The following KIF16B variants were observed in gnomAD, a reference collection of about 807,000 sequenced individuals.
KIF16B encodes the protein kinesin family member 16B, also known as kinesin-like protein KIF16B.
In KIF16B, 98 loss-of-function variants were observed where a neutral mutation model predicts 156.3. The ratio of observed to expected loss-of-function variants is 0.63; its 90% CI spans 0.53 to 0.74. The LOEUF is 0.74. Ranked by LOEUF, KIF16B falls within the 30% of genes least tolerant of loss-of-function variation. The pLI is 0.00. For synonymous variants in KIF16B, 564 were observed against 583.7 expected (o/e 0.97, Z 0.49); for missense variants, 1,421 against 1,606.5 (o/e 0.88, Z 1.97).
intron 18 of KIF16B, among the ~76,000 whole-genome samples, chr20:16,381,375 A>G (rs2065089373): frequency 6.8e-6 from 1 of 148,104 alleles, no homozygotes. Context: ...TTAAGAGAAG[A>G]TCTACTTTTG....
chr20:16,493,165 C>T (rs957413206), intron 12 of KIF16B, among the ~76,000 whole-genome samples: 2 of 152,200 alleles, frequency 1.3e-5, no homozygotes, highest in African/African-American at 4.8e-5. Flanking sequence ...TGTTGCAGTA[C>T]ATAAGAAGCT....
chr20:16,427,247 G>A lies in KIF16B; in HGVS notation c.1475-6C>T, dbSNP rs758708680. 1.9e-6 allele frequency: 3 copies of A among 1,602,062 alleles called. No homozygotes were observed. The East Asian group carries it at 6.7e-5, about 36-fold the overall frequency. ...CAAGTCAAGGCCATGAAGAACTAAA[G>A]TGGAAAAACAAAGTAGAAAGAATTT... is the stretch of plus-strand genomic sequence containing the variant. On this transcript the variant is annotated splice_polypyrimidine_tract_variant and splice_region_variant and intron_variant, in intron 14 of 25. Transcript: ENST00000354981.
chr20:16,288,266 A>G (rs1601496654), intron 25 of KIF16B, among the ~76,000 whole-genome samples: 1 of 152,218 alleles, frequency 6.6e-6, no homozygotes, highest in Non-Finnish European at 1.5e-5. Flanking sequence ...TCTGTACCTC[A>G]GTTTCCTCCT....
intron 1 of KIF16B, among the ~76,000 whole-genome samples, chr20:16,567,721 C>T (rs1430549821): frequency 2.6e-5 from 4 of 152,118 alleles, no homozygotes; most frequent in Non-Finnish European, 4.4e-5. Flanking sequence ...GAGGCTGAGG[C>T]GGGCGGATCA....
chr20:16,445,463 C>T (rs1464386134), intron 12 of KIF16B, among the ~76,000 whole-genome samples: 1 of 141,272 alleles, frequency 7.1e-6, no homozygotes, highest in East Asian at 2.0e-4. Context: ...TAAAGTCATT[C>T]TAAGCAGGGA....
chr20:16,295,643 T>C (rs1314257717), intron 25 of KIF16B, among the ~76,000 whole-genome samples: 1 of 152,052 alleles, frequency 6.6e-6, no homozygotes, highest in Non-Finnish European at 1.5e-5. Context: ...TTGGCTGTAT[T>C]TAAAATAATT....
chr20:16,532,729 C>G (rs1440395145), intron 1 of KIF16B, among the ~76,000 whole-genome samples: 2 of 152,164 alleles, frequency 1.3e-5, no homozygotes, highest in Non-Finnish European at 2.9e-5. Context: ...CCACTATTAT[C>G]AACAAATACC....
intron 17 of KIF16B, among the ~76,000 whole-genome samples, chr20:16,384,421 T>C (rs1159053274): frequency 6.6e-6 from 1 of 152,128 alleles, no homozygotes; most frequent in Non-Finnish European, 1.5e-5. Flanking sequence ...TTGCATGATA[T>C]AGAAACTCAA....
At chr20:16,360,911 G>A (rs2064539647) in intron 22 of KIF16B, among the ~76,000 whole-genome samples, 2 of 152,160 alleles carry the variant, frequency 1.3e-5, no homozygotes, top group Admixed American at 6.5e-5. Flanking sequence ...ATCTCTGCGG[G>A]CTCTCAGAGA....
intron 17 of KIF16B, among the ~76,000 whole-genome samples, chr20:16,391,438 C>G (rs1239259007): frequency 6.6e-6 from 1 of 152,222 alleles, no homozygotes; most frequent in Non-Finnish European, 1.5e-5. Context: ...GAAATCAAGT[C>G]TCTTCCCTCA....
At chr20:16,343,105 T>A (rs573412945) in intron 23 of KIF16B, among the ~76,000 whole-genome samples, 1 of 152,352 alleles carries the variant, frequency 6.6e-6, no homozygotes, top group South Asian at 2.1e-4. Context: ...ATGTTGAGAA[T>A]GCAAGATATC....
intron 24 of KIF16B, among the ~76,000 whole-genome samples, chr20:16,315,692 T>A (rs530551132): frequency 3.3e-5 from 5 of 152,030 alleles, no homozygotes; most frequent in Non-Finnish European, 5.9e-5. Flanking sequence ...GGGCTGGAGC[T>A]CCCCAGAAGT....
Position 16,504,550 on chromosome 20 carries a change from G to A in KIF16B, c.1001-3C>T. ...ATTGACATCAGCAGGTGAAATGGCTGTGAAGAATGTATTCAAAAAATAATT... is the reference window on the plus strand; with the variant it reads ...ATTGACATCAGCAGGTGAAATGGCTATGAAGAATGTATTCAAAAAATAATT... On this transcript the variant is annotated splice_region_variant and splice_polypyrimidine_tract_variant and intron_variant, in intron 9 of 25. Transcript: ENST00000354981. The A allele has an allele frequency of 6.2e-7, 1 of 1,610,470 alleles. No homozygotes were observed. The highest frequency in any genetic ancestry group is 8.5e-7 in the Non-Finnish European group (1 of 1,177,190).
intron 12 of KIF16B, among the ~76,000 whole-genome samples, chr20:16,485,577 T>C (rs900584804): frequency 2.0e-5 from 3 of 152,164 alleles, no homozygotes. Flanking sequence ...GGATCAAATA[T>C]CATCCCCTCC....
intron 24 of KIF16B, among the ~76,000 whole-genome samples, chr20:16,333,203 G>A (rs973820321): frequency 6.6e-6 from 1 of 151,996 alleles, no homozygotes; most frequent in Admixed American, 6.6e-5. Flanking sequence ...TGCTCTTCCC[G>A]TGAGTTACAA....
intron 12 of KIF16B, among the ~76,000 whole-genome samples, chr20:16,462,353 C>T (rs747853300): frequency 6.6e-6 from 1 of 152,172 alleles, no homozygotes; most frequent in Non-Finnish European, 1.5e-5. Flanking sequence ...CCTTTTTCAC[C>T]ATTCTTCTTT....
At chr20:16,312,936 G>A (rs375820855) in intron 24 of KIF16B, among the ~76,000 whole-genome samples, 53 of 152,096 alleles carry the variant, frequency 3.5e-4, no homozygotes, top group African/African-American at 1.2e-3. Flanking sequence ...CGTGAATGAA[G>A]ACTGCCCATG....
intron 23 of KIF16B, among the ~76,000 whole-genome samples, chr20:16,350,998 C>T (rs1010071677): frequency 6.6e-6 from 1 of 151,890 alleles, no homozygotes; most frequent in African/African-American, 2.4e-5. Context: ...AGACTGAAAG[C>T]AACACGACTG....
chr20:16,495,921 G>A (rs1013502363), intron 11 of KIF16B, among the ~76,000 whole-genome samples: 8 of 152,098 alleles, frequency 5.3e-5, no homozygotes, highest in African/African-American at 1.9e-4. Flanking sequence ...GAGCTCCTGG[G>A]CTCAGGCGAT....
Sources: gnomAD v4.1 joint callset for allele counts (sites outside exome capture counted in the v4.1 genomes callset) on GRCh38, gnomAD v4.1.1 for gene constraint, MANE v1.5 for transcripts, NCBI Gene and HGNC (gene_info 2026-07-23, HGNC 2026-07-21) for gene names.